Variants in SPTBN5 observed in about 807,000 individuals in gnomAD.
SPTBN5 encodes the protein spectrin beta chain, non-erythrocytic 5.
A neutral mutation model predicts 477.6 loss-of-function variants in SPTBN5; 513 were observed. The observed-to-expected ratio is 1.07, with a 90% CI of 1.00 to 1.16. SPTBN5 has a LOEUF of 1.16. SPTBN5 is among the 50% of genes most tolerant of loss of function. The pLI is 0.00. For missense variants in SPTBN5, 5,062 were observed against 4,731.8 expected, an observed-to-expected ratio of 1.07 and a Z score of -2.05; for synonymous variants, 2,169 against 2,011.7, an observed-to-expected ratio of 1.08 and a Z score of -2.09.
rs576291375 is a variant in SPTBN5 at position 41,848,215 on chromosome 15, G to T, written c.*401C>A. 8.1e-5 allele frequency: 41 copies of T among 507,846 alleles called. 1 individual carries two copies. Among genetic ancestry groups the T allele is most frequent in the South Asian group, 7.9e-4 (36 of 45,784 alleles). 31.5% of individuals were successfully genotyped at this position (507,846 alleles called of 1,614,324 possible). A position where few individuals can be genotyped will look rare whatever the true frequency, so the allele number is the denominator to read the frequency against. On this transcript the variant is annotated 3_prime_UTR_variant, in exon 68 of 68. Transcript: ENST00000320955. ...TCATTCTAGGCTCTTGGCTGTACAT[G>T]GCAAGGGCTGGTACAGAGCTCGCTC...
intron 45 of SPTBN5, 44 bp downstream of exon 45, chr15:41,861,691 G>T: frequency 6.6e-7 from 1 of 1,517,404 alleles, no homozygotes; most frequent in Non-Finnish European, 8.8e-7. Flanking sequence ...CGCAGGCCCT[G>T]TTCGGGGGGG....
chr15:41,855,754 G>A lies in SPTBN5; in HGVS notation c.9022-9C>T. 3 of 1,565,492 alleles carry A rather than the reference G, an allele frequency of 1.9e-6. No individual in the cohort carries two copies. In the African/African-American group the frequency reaches 4.1e-5, roughly 21 times the overall value. The stretch of plus-strand genomic sequence containing the variant: ...GATCCCGCCTCCAGGAGCTGGGGGT[G>A]ACAGAGTGGAGATCCGTTTTCCCGG... On this transcript the variant is annotated splice_polypyrimidine_tract_variant and intron_variant, in intron 53 of 67. Coordinates refer to ENST00000320955, the MANE Select transcript of SPTBN5 (RefSeq NM_016642.4).
At position 41,883,129 on chromosome 15, in the gene SPTBN5, C is replaced by T. The variant is rs370522425; in HGVS notation, c.1759G>A (p.Ala587Thr). 1 of 1,612,514 alleles carries T rather than the reference C, an allele frequency of 6.2e-7. No homozygotes were observed. Among genetic ancestry groups the T allele is most frequent in the Non-Finnish European group, 8.5e-7 (1 of 1,179,662 alleles). ...TGCTGAGCAAGATGGCTCACATGGG[C>T]TCCGTGGGCCGAGACTTGAGCCTCC... The part of the protein sequence containing the change: ...LLEAQVSAHG[A>T]HVSHLAQQTA... The change falls in exon 9 of 68, where the codon GCC becomes ACC. Residue 587 changes from alanine (A) to threonine (T), a missense_variant. Physicochemically the swap from Ala to Thr is moderately conservative, Grantham distance 58. Coordinates refer to ENST00000320955, the MANE Select transcript of SPTBN5 (RefSeq NM_016642.4).
At chr15:41,864,087 C>T (rs1456806693) in intron 39 of SPTBN5, 63 bp from the exon 40 acceptor site, 2 of 1,417,170 alleles carry the variant, frequency 1.4e-6, no homozygotes, top group South Asian at 1.2e-5. Flanking sequence ...CTTCCCACCT[C>T]AGCAGGCACT....
rs574458592 is a variant in SPTBN5 at position 41,857,341 on chromosome 15, CCTT to C, written c.8515_8517del (p.Lys2839del). 5.8e-5 allele frequency: 91 copies of C among 1,570,794 alleles called. No individual in the cohort carries two copies. The African/African-American group carries it at 9.9e-4, about 17-fold the overall frequency. On this transcript the variant is annotated inframe_deletion, in exon 51 of 68. Transcript: ENST00000320955. ...CCCAGCAGTGCCTCAGCCTGCCTGG[CCTT>C]CTTGTCCACTGCTGCCTCCAGCTCC...
At chr15:41,868,277 C>T (rs1029761107) in intron 33 of SPTBN5, 59 bp from the exon 34 acceptor site, 5 of 1,566,630 alleles carry the variant, frequency 3.2e-6, no homozygotes, top group Admixed American at 3.8e-5. Context: ...GAGGTGAGGA[C>T]TGGATCCTGA....
chr15:41,855,153 C>G lies in SPTBN5; in HGVS notation c.9423+71G>C, dbSNP rs926557646. 40 of 1,524,928 alleles carry G rather than the reference C, an allele frequency of 2.6e-5. No homozygotes were observed. The Middle Eastern group carries it at 8.8e-4, about 34-fold the overall frequency. 94.5% of individuals were successfully genotyped at this position (1,524,928 alleles called of 1,614,324 possible). ...TCCTTTCTGCTGACTCCCCAGCAAC[C>G]CTTTCATCCCAGGGCAGGCCTTCCT... On this transcript the variant is annotated intron_variant, in intron 55 of 67. Transcript: ENST00000320955.
At chr15:41,850,264 ACT>A (rs1595434625) in intron 66 of SPTBN5, 2 of 390,316 alleles carry the variant, frequency 5.1e-6, no homozygotes, top group East Asian at 5.0e-5. Flanking sequence ...GGGAAGACAG[ACT>A]CTTGGGAGGA....
At chr15:41,868,270 G>C (rs2066405214) in intron 33 of SPTBN5, 52 bp from the exon 34 acceptor site, 2 of 1,569,388 alleles carry the variant, frequency 1.3e-6, no homozygotes, top group Admixed American at 3.8e-5. Flanking sequence ...TGTGGGTGAG[G>C]TGAGGACTGG....
At chr15:41,861,633 C>A in intron 45 of SPTBN5, 102 bp downstream of exon 45, 1 of 1,501,604 alleles carries the variant, frequency 6.7e-7, no homozygotes. Context: ...AAGTCCCTGG[C>A]ACAGCAGCCC....
intron 4 of SPTBN5, among the ~76,000 whole-genome samples, chr15:41,888,824 G>A (rs1027975227): frequency 6.6e-6 from 1 of 152,206 alleles, no homozygotes; most frequent in East Asian, 1.9e-4. Context: ...CTGCCCTCTG[G>A]GCCCCAGAGC....
intron 9 of SPTBN5, 113 bp from the exon 10 acceptor site, chr15:41,882,851 G>T: frequency 4.3e-6 from 6 of 1,407,636 alleles, no homozygotes; most frequent in South Asian, 1.4e-5. Flanking sequence ...TTCCCTGGAT[G>T]ACTCAACAGG....
chr15:41,851,334 G>T lies in SPTBN5; in HGVS notation c.10692C>A (p.Asn3564Lys), dbSNP rs1468139802. ...SSSSWDSCRG[N>K]LQGSSLSLFL... Reference sequence around the variant, plus strand: ...ACAGGCTCAGAGAGCTGCCCTGCAAGTTCCCGCGGCAGCTGTCCCAGGAGC... The same window carrying T: ...ACAGGCTCAGAGAGCTGCCCTGCAATTTCCCGCGGCAGCTGTCCCAGGAGC... The change falls in exon 64 of 68, where the codon AAC becomes AAA. Residue 3564 changes from asparagine (N) to lysine (K), a missense_variant. Physicochemically the swap from Asn to Lys is moderately conservative, Grantham distance 94. Transcript: ENST00000320955. The T allele has an allele frequency of 5.2e-6, 8 of 1,551,096 alleles. No homozygotes were observed. Among genetic ancestry groups the T allele is most frequent in the Non-Finnish European group, 7.0e-6 (8 of 1,146,978 alleles).
rs371869096 is a variant in SPTBN5, at chr15:41,886,107, C to T, written c.1148G>A (p.Arg383Lys). ...LQTALQAQNR[R>K]PFLPHEGLGL... ...CAGGCCCTCATGAGGCAGGAAGGGC[C>T]TGCGGTTCTGGGCTTGGAGTGCTGT... is the stretch of plus-strand genomic sequence containing the variant. The change falls in exon 7 of 68, where the codon AGG becomes AAG. Residue 383 changes from arginine (R) to lysine (K), a missense_variant. Physicochemically the swap from Arg to Lys is conservative, Grantham distance 26 (BLOSUM62 2). Coordinates refer to ENST00000320955, the MANE Select transcript of SPTBN5 (RefSeq NM_016642.4). 4.5e-5 allele frequency: 72 copies of T among 1,609,808 alleles called. No homozygotes were observed. The highest frequency in any genetic ancestry group is 9.3e-5 in the African/African-American group (7 of 74,902).
chr15:41,868,546 T>C lies in SPTBN5; in HGVS notation c.5909A>G (p.Glu1970Gly). 1 of 1,605,528 alleles carries C rather than the reference T, an allele frequency of 6.2e-7. No individual in the cohort carries two copies. The highest frequency in any genetic ancestry group is 8.5e-7 in the Non-Finnish European group (1 of 1,179,730). Residue 1970 changes from glutamate (E) to glycine (G), a missense_variant, in exon 33 of 68, where the codon GAG (glutamate) becomes GGG (glycine). Coordinates refer to ENST00000320955, the MANE Select transcript of SPTBN5 (RefSeq NM_016642.4). ...ARVRQDLQVEESSQEPSSGPL... is the reference protein window; with the variant it reads ...ARVRQDLQVEGSSQEPSSGPL... ...GCCACTGCTAGGCTCTTGCGAACTC[T>C]CCTCCACCTGCAGGTCCTGGCGCAC...
intron 3 of SPTBN5, among the ~76,000 whole-genome samples, chr15:41,892,620 T>C (rs1390540068): frequency 1.3e-5 from 2 of 152,216 alleles, no homozygotes; most frequent in African/African-American, 4.8e-5. Context: ...CCTAGAATCC[T>C]GTGAGTCTCT....
In SPTBN5 at chr15:41,862,137, T is replaced by C. The variant is rs191265466; in HGVS notation, c.7541A>G (p.Glu2514Gly). The change falls in exon 44 of 68, where the codon GAG becomes GGG. Residue 2514 changes from glutamate to glycine, a missense_variant. By Grantham distance (98) the Glu-to-Gly change is moderately conservative. Transcript: ENST00000320955. ...GGCCAGCTGCCCATTCACCTTGCACTCCTGATGCTCTTCTAACATACGCCG... is the reference window on the plus strand; with the variant it reads ...GGCCAGCTGCCCATTCACCTTGCACCCCTGATGCTCTTCTAACATACGCCG... The part of the protein sequence containing the change: ...EARRMLEEHQ[E>G]CKAELDSWTD... 8.2e-6 allele frequency: 13 copies of C among 1,576,558 alleles called. No homozygotes were observed. The African/African-American group carries it at 1.8e-4, about 21-fold the overall frequency.
chr15:41,856,907 G>C lies in SPTBN5; in HGVS notation c.8754C>G (p.Ala2918=). 6.4e-7 allele frequency: 1 copy of C among 1,553,842 alleles called. No homozygotes were observed. The highest frequency in any genetic ancestry group is 8.7e-7 in the Non-Finnish European group (1 of 1,148,888). The change falls in exon 52 of 68, where the codon GCC becomes GCG. Residue 2918 remains alanine (A), a synonymous_variant. Transcript: ENST00000320955. ...CACTCAGGCTCTGGCCATAGTCCTGGGCAGCGGCCAGAGGCAGCTTCTCCT... is the reference window on the plus strand; with the variant it reads ...CACTCAGGCTCTGGCCATAGTCCTGCGCAGCGGCCAGAGGCAGCTTCTCCT... The part of the protein sequence containing the change: ...WVQEKLPLAA[A]QDYGQSLSAV...
chr15:41,879,610 C>T, intron 15 of SPTBN5, 111 bp from the exon 16 acceptor site: 3 of 1,561,462 alleles, frequency 1.9e-6, no homozygotes, highest in South Asian at 2.4e-5. Context: ...TGTCCCTTGC[C>T]CCTTCCCTGT....
Sources: allele counts gnomAD v4.1 joint callset (sites outside exome capture counted in the v4.1 genomes callset), GRCh38; gene constraint gnomAD v4.1.1; transcripts MANE v1.5; gene names NCBI Gene and HGNC (gene_info 2026-07-23, HGNC 2026-07-21).